SOS1: variants seen among roughly 807,000 people sequenced by gnomAD.
SOS1 encodes the protein SOS Ras/Rac guanine nucleotide exchange factor 1.
SOS1 carries 25 observed loss-of-function variants against 157.6 expected under a neutral mutation model. The observed-to-expected ratio is 0.16, with a 90% CI of 0.12 to 0.22. SOS1 has a LOEUF of 0.22. Among genes scored for constraint, SOS1 ranks in the 10% least tolerant of loss-of-function variants. SOS1 has a pLI of 1.00. For missense variants in SOS1, 1,237 were observed against 1,599.1 expected (o/e 0.77, Z 3.86); for synonymous variants, 528 against 534.0 (o/e 0.99, Z 0.16).
At chr2:39,047,769 C>G (rs1670843750) in intron 6 of SOS1, among the ~76,000 whole-genome samples, 1 of 152,170 alleles carries the variant, frequency 6.6e-6, no homozygotes, top group Non-Finnish European at 1.5e-5. Flanking sequence ...CTCCCAAGTT[C>G]AAGCAATTCT....
intron 1 of SOS1, among the ~76,000 whole-genome samples, chr2:39,116,979 G>A (rs1359749636): frequency 6.6e-6 from 1 of 151,438 alleles, no homozygotes; most frequent in East Asian, 1.9e-4. Flanking sequence ...GACATGCCCT[G>A]CCACTTCCCA....
Position 38,984,609 on chromosome 2 carries a change from C to G in SOS1, c.*1215G>C, listed in dbSNP as rs900082838. 6.6e-6 allele frequency: 1 copy of G among 152,168 alleles called. No individual in the cohort carries two copies. The highest frequency in any genetic ancestry group is 2.4e-5 in the African/African-American group (1 of 41,452). 9.4% of individuals were successfully genotyped at this position (152,168 alleles called of 1,614,324 possible). On this transcript the variant is annotated 3_prime_UTR_variant, in exon 23 of 23. Coordinates refer to ENST00000402219, the MANE Select transcript of SOS1 (RefSeq NM_005633.4). Reference sequence around the variant, plus strand: ...TTAAGATTAATACATATATCCAGAACTAGAAACCAAGGCGTACCACAAAAC... The same window carrying G: ...TTAAGATTAATACATATATCCAGAAGTAGAAACCAAGGCGTACCACAAAAC...
intron 12 of SOS1, 29 bp downstream of exon 12, chr2:39,013,838 C>CT: frequency 6.3e-7 from 1 of 1,597,006 alleles, no homozygotes; most frequent in Non-Finnish European, 8.6e-7. Context: ...TTGATAAAGA[C>CT]TTATTTACTT....
At chr2:38,989,870 C>A (rs1020338115) in intron 20 of SOS1, among the ~76,000 whole-genome samples, 5 of 151,892 alleles carry the variant, frequency 3.3e-5, no homozygotes, top group African/African-American at 1.2e-4. Flanking sequence ...AGTCATTAAA[C>A]ATTTGGTGCC....
chr2:38,993,903 G>A (rs1668812222), intron 20 of SOS1: 1 of 152,154 alleles, frequency 6.6e-6, no homozygotes, highest in Non-Finnish European at 1.5e-5. Flanking sequence ...CTGGATTGAA[G>A]TTTTGATTTA....
intron 21 of SOS1, 43 bp downstream of exon 21, chr2:38,989,227 A>C: frequency 7.1e-7 from 1 of 1,405,020 alleles, no homozygotes; most frequent in Non-Finnish European, 1.0e-6. Flanking sequence ...TTGATTTTTA[A>C]AGCCAAAGCA....
intron 1 of SOS1, among the ~76,000 whole-genome samples, chr2:39,108,578 G>A (rs1647161529): frequency 6.6e-6 from 1 of 151,812 alleles, no homozygotes; most frequent in African/African-American, 2.4e-5. Flanking sequence ...CCCATTTATG[G>A]TCCCACTTCC....
chr2:39,012,376 T>A, intron 13 of SOS1, 28 bp from the exon 14 acceptor site: 1 of 1,033,864 alleles, frequency 9.7e-7, no homozygotes, highest in East Asian at 2.8e-5. Flanking sequence ...TTAAATAACA[T>A]TTAAATATTC....
At chr2:39,096,551 T>A (rs1271386119) in intron 1 of SOS1, among the ~76,000 whole-genome samples, 2 of 152,178 alleles carry the variant, frequency 1.3e-5, no homozygotes, top group Non-Finnish European at 2.9e-5. Context: ...TATTACCTAA[T>A]AAAATGTTAC....
intron 1 of SOS1, among the ~76,000 whole-genome samples, chr2:39,106,283 A>C (rs1389826545): frequency 6.6e-6 from 1 of 152,098 alleles, no homozygotes; most frequent in Non-Finnish European, 1.5e-5. Context: ...TTTTAAAAAA[A>C]AAACTTTCTT....
intron 1 of SOS1, among the ~76,000 whole-genome samples, chr2:39,069,706 C>A (rs1671733446): frequency 6.6e-6 from 1 of 152,088 alleles, no homozygotes; most frequent in Non-Finnish European, 1.5e-5. Context: ...TGCCACCACA[C>A]CCGGCCAATT....
At chr2:38,991,304 C>T (rs1668726394) in intron 20 of SOS1, among the ~76,000 whole-genome samples, 1 of 151,876 alleles carries the variant, frequency 6.6e-6, no homozygotes, top group African/African-American at 2.4e-5. Context: ...GGATTAGAAA[C>T]TCATCACCTA....
chr2:39,002,517 G>A (rs1669135993), intron 17 of SOS1, among the ~76,000 whole-genome samples: 1 of 152,110 alleles, frequency 6.6e-6, no homozygotes, highest in Non-Finnish European at 1.5e-5. Flanking sequence ...GGGATATCAT[G>A]AGTAGCATGA....
At chr2:39,055,334 A>G (rs1671176317) in intron 4 of SOS1, among the ~76,000 whole-genome samples, 1 of 152,128 alleles carries the variant, frequency 6.6e-6, no homozygotes, top group African/African-American at 2.4e-5. Flanking sequence ...CTACAGCATC[A>G]TATCTCTATA....
chr2:39,030,374 G>C (rs1026955118), intron 8 of SOS1, among the ~76,000 whole-genome samples: 2 of 151,964 alleles, frequency 1.3e-5, no homozygotes, highest in Non-Finnish European at 2.9e-5. Context: ...GATCAGCCTG[G>C]GCAACAAAAT....
chr2:39,074,469 C>G (rs1020195004), intron 1 of SOS1, among the ~76,000 whole-genome samples: 2 of 151,862 alleles, frequency 1.3e-5, no homozygotes, highest in Non-Finnish European at 2.9e-5. Context: ...CCAACTGAGG[C>G]AGGAGAATTG....
chr2:39,123,820 G>A (rs2148248837), upstream of SOS1, among the ~76,000 whole-genome samples: 1 of 152,296 alleles, frequency 6.6e-6, no homozygotes, highest in Admixed American at 6.5e-5. Context: ...TCCAGAAAAC[G>A]GGCGATTTTC....
At chr2:39,090,905 G>C (rs575046159) in intron 1 of SOS1, among the ~76,000 whole-genome samples, 8 of 152,190 alleles carry the variant, frequency 5.3e-5, no homozygotes, top group African/African-American at 1.9e-4. Context: ...GTCTCATTCT[G>C]TCACCCAAGC....
chr2:39,021,849 A>G (rs1352350109), intron 10 of SOS1, among the ~76,000 whole-genome samples: 2 of 151,854 alleles, frequency 1.3e-5, no homozygotes, highest in Non-Finnish European at 3.0e-5. Context: ...CATAAAGAAC[A>G]TAGAAAAGGT....
Sources: allele counts gnomAD v4.1 joint callset (sites outside exome capture counted in the v4.1 genomes callset), GRCh38; gene constraint gnomAD v4.1.1; transcripts MANE v1.5; gene names NCBI Gene and HGNC (gene_info 2026-07-23, HGNC 2026-07-21).